Variants in PCED1B observed in about 807,000 individuals in gnomAD.
The protein encoded by PCED1B is PC-esterase domain-containing protein 1B.
For synonymous variants in PCED1B, 251 were observed against 246.1 expected, an observed-to-expected ratio of 1.02 and a Z score of -0.19; for missense variants, 573 against 573.9, an observed-to-expected ratio of 1.00 and a Z score of 0.02.
intron 1 of PCED1B, among the ~76,000 whole-genome samples, chr12:47,096,012 T>C (rs1171122603): frequency 6.6e-6 from 1 of 152,090 alleles, no homozygotes; most frequent in Non-Finnish European, 1.5e-5. Flanking sequence ...AATGACTCAG[T>C]TTAAGAAAAT....
intron 1 of PCED1B, among the ~76,000 whole-genome samples, chr12:47,089,489 T>TATATATATATATATATATAC: frequency 1.1e-5 from 1 of 87,414 alleles, no homozygotes; most frequent in Non-Finnish European, 2.3e-5. Flanking sequence ...TATATATATA[T>TATATATATATATATATATAC]ATATGTATAT....
At chr12:47,219,346 G>A (rs1943402580) in intron 3 of PCED1B, among the ~76,000 whole-genome samples, 2 of 152,166 alleles carry the variant, frequency 1.3e-5, no homozygotes, top group African/African-American at 4.8e-5. Context: ...CAAAGATAAA[G>A]TAAGCATTAG....
At chr12:47,186,360 A>G (rs1026233273) in intron 2 of PCED1B, among the ~76,000 whole-genome samples, 1 of 152,102 alleles carries the variant, frequency 6.6e-6, no homozygotes, top group Admixed American at 6.5e-5. Flanking sequence ...ATATGGGGAA[A>G]CTTATGGTAG....
intron 3 of PCED1B, among the ~76,000 whole-genome samples, chr12:47,220,645 A>G (rs1281685784): frequency 6.6e-6 from 1 of 152,264 alleles, no homozygotes; most frequent in Non-Finnish European, 1.5e-5. Context: ...TGAGGGGTAC[A>G]AGGATGGGTG....
chr12:47,180,263 G>A (rs551798943), intron 2 of PCED1B, among the ~76,000 whole-genome samples: 1 of 152,292 alleles, frequency 6.6e-6, no homozygotes, highest in Non-Finnish European at 1.5e-5. Context: ...CCTTGCAAAG[G>A]ACATGATCTC....
chr12:47,088,045 C>T (rs1206274470), intron 1 of PCED1B, among the ~76,000 whole-genome samples: 1 of 152,178 alleles, frequency 6.6e-6, no homozygotes, highest in African/African-American at 2.4e-5. Flanking sequence ...CTTTTGGATT[C>T]TCAGCTTCCC....
intron 3 of PCED1B, among the ~76,000 whole-genome samples, chr12:47,231,472 ACTT>A (rs1261620513): frequency 6.6e-6 from 1 of 152,096 alleles, no homozygotes; most frequent in Non-Finnish European, 1.5e-5. Context: ...TTGCAGCATC[ACTT>A]CTTAAGTCAC....
intron 2 of PCED1B, among the ~76,000 whole-genome samples, chr12:47,111,799 A>G (rs1397121590): frequency 6.6e-6 from 1 of 152,232 alleles, no homozygotes; most frequent in Non-Finnish European, 1.5e-5. Flanking sequence ...TGCTTGTTCT[A>G]GCTGAGGTAC....
rs757659555 is a variant in PCED1B at position 47,235,465 on chromosome 12, C to CTCCTGGAGAAGCT, written c.403_415dup (p.Tyr139PhefsTer72). 1.2e-6 allele frequency: 2 copies of CTCCTGGAGAAGCT among 1,614,038 alleles called. No homozygotes were observed. The highest frequency in any genetic ancestry group is 8.5e-7 in the Non-Finnish European group (1 of 1,179,944). On this transcript the variant is annotated frameshift_variant, in exon 4 of 4. Transcript: ENST00000546455. LOFTEE classifies it low-confidence loss of function (END_TRUNC). ...GGGACATCTCCAGGTATGGTCCGAA[C>CTCCTGGAGAAGCT]TCCTGGAGAAGCTACCTGGAGAACC...
chr12:47,149,015 A>C (rs1940894779), intron 2 of PCED1B, among the ~76,000 whole-genome samples: 1 of 152,298 alleles, frequency 6.6e-6, no homozygotes, highest in Admixed American at 6.5e-5. Context: ...ATTCTAAGGG[A>C]AATGGCACTG....
intron 2 of PCED1B, among the ~76,000 whole-genome samples, chr12:47,212,817 T>C (rs982698047): frequency 1.8e-4 from 27 of 152,204 alleles, no homozygotes; most frequent in African/African-American, 6.5e-4. Flanking sequence ...ACTTCACAAC[T>C]GGAAGTGGGC....
chr12:47,171,941 T>C (rs961612746), intron 2 of PCED1B, among the ~76,000 whole-genome samples: 5 of 149,396 alleles, frequency 3.3e-5, no homozygotes, highest in Non-Finnish European at 5.9e-5. Context: ...TGTATATGTA[T>C]GTGTCTATAG....
chr12:47,212,731 A>C (rs1943131943), intron 2 of PCED1B, among the ~76,000 whole-genome samples: 1 of 152,252 alleles, frequency 6.6e-6, no homozygotes, highest in Admixed American at 6.5e-5. Context: ...GCATGGATGC[A>C]TGTATACTAA....
intron 1 of PCED1B, among the ~76,000 whole-genome samples, chr12:47,103,742 C>G (rs1938822162): frequency 6.6e-6 from 1 of 152,192 alleles, no homozygotes; most frequent in Non-Finnish European, 1.5e-5. Flanking sequence ...GTCTTCCCGG[C>G]AAGCCACAGC....
At chr12:47,215,735 G>T (rs556664251) in intron 2 of PCED1B, among the ~76,000 whole-genome samples, 1 of 152,182 alleles carries the variant, frequency 6.6e-6, no homozygotes, top group South Asian at 2.1e-4. Flanking sequence ...CAAGACGTCA[G>T]TGGAGAGATG....
chr12:47,099,566 T>A (rs1490044145), intron 1 of PCED1B, among the ~76,000 whole-genome samples: 1 of 152,202 alleles, frequency 6.6e-6, no homozygotes, highest in African/African-American at 2.4e-5. Context: ...GAATGAATAG[T>A]TTGAGAACTT....
At position 47,174,407 on chromosome 12, in the gene PCED1B, CA is replaced by C. The variant is rs202246828; in HGVS notation, c.-525-41803del. On this transcript the variant is annotated intron_variant, in intron 2 of 3. Transcript: ENST00000546455. ...CTAGGCTATAGAGTGAGACTCAATC[CA>C]AAAAAAAAAAACAAACAAAACAAAC... Among the ~76,000 whole-genome samples, 498 of 124,172 alleles carry C rather than the reference CA, an allele frequency of 4.0e-3. 8 individuals carry two copies. The South Asian group carries it at 0.047, about 12-fold the overall frequency. The allele number at this position is 124,172 out of a possible 152,430, so 81.5% of individuals were successfully genotyped here.
chr12:47,151,963 A>G lies in PCED1B; in HGVS notation c.-526+47768A>G, dbSNP rs1371296253. Among the ~76,000 whole-genome samples, 14 of 152,234 alleles carry G rather than the reference A, an allele frequency of 9.2e-5. No individual in the cohort carries two copies. The South Asian group carries it at 2.9e-3, about 32-fold the overall frequency. On this transcript the variant is annotated intron_variant, in intron 2 of 3. Coordinates refer to ENST00000546455, the MANE Select transcript of PCED1B (RefSeq NM_138371.3). Reference sequence around the variant, plus strand: ...AGTCAAGTTGACACATAAAATCAACATCATATACTGCAAAACAAAGACAAC... The same window carrying G: ...AGTCAAGTTGACACATAAAATCAACGTCATATACTGCAAAACAAAGACAAC...
intron 2 of PCED1B, among the ~76,000 whole-genome samples, chr12:47,115,314 C>T (rs1490459413): frequency 6.6e-6 from 1 of 152,172 alleles, no homozygotes; most frequent in African/African-American, 2.4e-5. Context: ...GGTATCTTCA[C>T]TCGGTTCTCA....
Sources: allele counts gnomAD v4.1 joint callset (sites outside exome capture counted in the v4.1 genomes callset), GRCh38; gene constraint gnomAD v4.1.1; transcripts MANE v1.5; gene names NCBI Gene and HGNC (gene_info 2026-07-23, HGNC 2026-07-21).